Variants in PARD3 observed in about 807,000 individuals in gnomAD.
PARD3 encodes the protein par-3 family cell polarity regulator.
A neutral mutation model predicts 155.4 loss-of-function variants in PARD3; 75 were observed. The observed-to-expected ratio is 0.48, with a 90% CI of 0.40 to 0.58. PARD3 has a LOEUF of 0.58. Among genes scored for constraint, PARD3 ranks in the 20% least tolerant of loss-of-function variants. The pLI is 0.00. For synonymous variants in PARD3, 576 were observed against 610.5 expected (o/e 0.94, Z 0.83); for missense variants, 1,642 against 1,721.7 (o/e 0.95, Z 0.82).
At chr10:34,474,350 T>G (rs146609597) in intron 3 of PARD3, among the ~76,000 whole-genome samples, 191 of 152,294 alleles carry the variant, frequency 1.3e-3, no homozygotes, top group Non-Finnish European at 2.3e-3. Context: ...AGCCTACAAT[T>G]TAGACTCAGC....
At chr10:34,342,234 G>A (rs145858263) in intron 15 of PARD3, among the ~76,000 whole-genome samples, 4 of 152,354 alleles carry the variant, frequency 2.6e-5, no homozygotes, top group Non-Finnish European at 4.4e-5. Flanking sequence ...TGCAGAGCAG[G>A]TACTGCAAGA....
chr10:34,290,181 A>C (rs1470993007), intron 20 of PARD3, among the ~76,000 whole-genome samples: 1 of 152,220 alleles, frequency 6.6e-6, no homozygotes, highest in African/African-American at 2.4e-5. Flanking sequence ...GATAAATAAA[A>C]ATACAATTAA....
intron 1 of PARD3, among the ~76,000 whole-genome samples, chr10:34,710,678 G>A (rs565547687): frequency 3.3e-4 from 51 of 152,260 alleles, no homozygotes; most frequent in Non-Finnish European, 6.3e-4. Flanking sequence ...TTGCCTCACC[G>A]TATTTCGATG....
chr10:34,470,970 C>T (rs963634075), intron 3 of PARD3, among the ~76,000 whole-genome samples: 8 of 152,090 alleles, frequency 5.3e-5, no homozygotes, highest in African/African-American at 1.9e-4. Context: ...TGTATCAAAA[C>T]ATCACATATT....
chr10:34,794,561 G>A (rs948088955), intron 1 of PARD3, among the ~76,000 whole-genome samples: 4 of 152,196 alleles, frequency 2.6e-5, no homozygotes, highest in African/African-American at 9.7e-5. Flanking sequence ...CCACCTCTGT[G>A]TATGAACTTG....
chr10:34,666,816 T>TATATATATATATATATATATATATAC (rs765552982), intron 2 of PARD3, among the ~76,000 whole-genome samples: 88 of 88,698 alleles, frequency 9.9e-4, no homozygotes, highest in Middle Eastern at 7.1e-3. Flanking sequence ...TATATATATA[T>TATATATATATATATATATATATATAC]ACACACACAC....
At chr10:34,688,437 C>T (rs1184604310) in intron 2 of PARD3, among the ~76,000 whole-genome samples, 2 of 152,162 alleles carry the variant, frequency 1.3e-5, no homozygotes, top group African/African-American at 2.4e-5. Flanking sequence ...ATGACAGCTG[C>T]TCTAAATGGT....
chr10:34,792,236 TAG>T (rs1841736556), intron 1 of PARD3, among the ~76,000 whole-genome samples: 1 of 152,134 alleles, frequency 6.6e-6, no homozygotes, highest in Admixed American at 6.5e-5. Flanking sequence ...GGAGACAGAA[TAG>T]AGTCTACAGG....
At chr10:34,445,875 T>C (rs2076712933) in intron 5 of PARD3, among the ~76,000 whole-genome samples, 1 of 151,782 alleles carries the variant, frequency 6.6e-6, no homozygotes, top group Non-Finnish European at 1.5e-5. Context: ...GCTTAACAGA[T>C]CTGACTGTGT....
In PARD3 at chr10:34,725,766, G is replaced by A. The variant is rs141939218; in HGVS notation, c.121-29347C>T. Among the ~76,000 whole-genome samples, 400 of 152,300 alleles carry A rather than the reference G, an allele frequency of 2.6e-3. 1 individual carries two copies. Among genetic ancestry groups the A allele is most frequent in the Non-Finnish European group, 4.6e-3 (310 of 68,020 alleles). On this transcript the variant is annotated intron_variant, in intron 1 of 24. Transcript: ENST00000374788. ...TAGAAAGAAACTCAGATGACACAATGTCCAGCCAGCTTGGGTAGCTAACAC... is the reference window on the plus strand; with the variant it reads ...TAGAAAGAAACTCAGATGACACAATATCCAGCCAGCTTGGGTAGCTAACAC...
chr10:34,459,186 A>G (rs2077490671), intron 4 of PARD3, among the ~76,000 whole-genome samples: 1 of 151,684 alleles, frequency 6.6e-6, no homozygotes, highest in Non-Finnish European at 1.5e-5. Context: ...TTTTTTTTTG[A>G]GACGGAGTCT....
At chr10:34,515,522 A>G (rs2081665682) in intron 3 of PARD3, among the ~76,000 whole-genome samples, 1 of 152,178 alleles carries the variant, frequency 6.6e-6, no homozygotes, top group South Asian at 2.1e-4. Context: ...CTAGAGCATC[A>G]CTTACGTATC....
chr10:34,725,146 TGTGTGA>T (rs1307071492), intron 1 of PARD3, among the ~76,000 whole-genome samples: 12 of 101,410 alleles, frequency 1.2e-4, no homozygotes, highest in African/African-American at 3.9e-4. Context: ...TGTGTGTGTG[TGTGTGA>T]CAGAGAGAGA....
At chr10:34,788,136 C>A (rs531283288) in intron 1 of PARD3, among the ~76,000 whole-genome samples, 119 of 152,172 alleles carry the variant, frequency 7.8e-4, no homozygotes, top group African/African-American at 2.5e-3. Context: ...AAGGGTCTTA[C>A]AAGACCACGT....
chr10:34,726,493 G>A (rs936073074), intron 1 of PARD3, among the ~76,000 whole-genome samples: 8 of 151,584 alleles, frequency 5.3e-5, no homozygotes, highest in Admixed American at 1.3e-4. Flanking sequence ...GGCTGAGGCA[G>A]AATCGCTCGA....
intron 3 of PARD3, among the ~76,000 whole-genome samples, chr10:34,491,901 T>C (rs982805994): frequency 2.0e-5 from 3 of 151,938 alleles, no homozygotes; most frequent in Admixed American, 1.3e-4. Context: ...ATAGAACCAC[T>C]GGGGGGAAAA....
intron 7 of PARD3, among the ~76,000 whole-genome samples, chr10:34,395,374 G>A (rs1843218681): frequency 6.6e-6 from 1 of 151,986 alleles, no homozygotes; most frequent in African/African-American, 2.4e-5. Flanking sequence ...GAAATGATAT[G>A]GATGAAATAA....
intron 11 of PARD3, among the ~76,000 whole-genome samples, chr10:34,373,594 T>C (rs1288307384): frequency 1.3e-5 from 2 of 151,978 alleles, no homozygotes; most frequent in Non-Finnish European, 2.9e-5. Context: ...CAGGTGGCAT[T>C]TTAAGCACAA....
chr10:34,355,924 CAAAAAAAAAAA>C (rs869284165), intron 14 of PARD3, among the ~76,000 whole-genome samples: 41 of 42,746 alleles, frequency 9.6e-4, no homozygotes, highest in Non-Finnish European at 1.6e-3. Context: ...CACTCCGTCT[CAAAAAAAAAAA>C]AAAAAAAAAA....
Sources: allele counts gnomAD v4.1 joint callset (sites outside exome capture counted in the v4.1 genomes callset), GRCh38; gene constraint gnomAD v4.1.1; transcripts MANE v1.5; gene names NCBI Gene and HGNC (gene_info 2026-07-23, HGNC 2026-07-21).